The following SH3GL2 variants were observed in gnomAD, a reference collection of about 807,000 sequenced individuals.
The protein encoded by SH3GL2 is SH3 domain containing GRB2 like 2, endophilin A1, also known as endophilin-A1.
Under a neutral mutation model 46.0 loss-of-function variants are expected in SH3GL2, and 24 were observed. The observed-to-expected ratio is 0.52, with a 90% CI of 0.38 to 0.73. SH3GL2 has a LOEUF of 0.73. SH3GL2 is among the 30% of genes least tolerant of loss of function. The probability of loss-of-function intolerance (pLI) is 0.00; values close to 1 mark genes in which losing one functional copy is unlikely to be tolerated. For synonymous variants in SH3GL2, 196 were observed against 147.1 expected, an observed-to-expected ratio of 1.33 and a Z score of -2.40; for missense variants, 413 against 424.2, an observed-to-expected ratio of 0.97 and a Z score of 0.23.
chr9:17,755,697 C>A, intron 2 of SH3GL2: 1 of 730,288 alleles, frequency 1.4e-6, no homozygotes, highest in Non-Finnish European at 1.7e-6. Context: ...TCTGCTACAG[C>A]ATCTGGTATA....
At chr9:17,788,716 C>G (rs1824032901) in intron 5 of SH3GL2, among the ~76,000 whole-genome samples, 1 of 152,074 alleles carries the variant, frequency 6.6e-6, no homozygotes, top group South Asian at 2.1e-4. Flanking sequence ...AGGTCCCTTC[C>G]AAGTGAGATT....
At chr9:17,711,782 A>G (rs1821631457) in intron 1 of SH3GL2, among the ~76,000 whole-genome samples, 1 of 151,840 alleles carries the variant, frequency 6.6e-6, no homozygotes. Flanking sequence ...ATATTCTTGT[A>G]CAAGACATAT....
chr9:17,687,185 C>G (rs768236679), intron 1 of SH3GL2, among the ~76,000 whole-genome samples: 1 of 152,044 alleles, frequency 6.6e-6, no homozygotes, highest in Non-Finnish European at 1.5e-5. Context: ...TTCTTATAAT[C>G]ATTTCATCAT....
At chr9:17,722,428 C>G (rs943142800) in intron 1 of SH3GL2, among the ~76,000 whole-genome samples, 3 of 152,088 alleles carry the variant, frequency 2.0e-5, no homozygotes, top group Non-Finnish European at 2.9e-5. Flanking sequence ...CATTCATTTA[C>G]TGTTGGAAAT....
intron 1 of SH3GL2, among the ~76,000 whole-genome samples, chr9:17,732,130 A>G (rs1191016205): frequency 6.6e-6 from 1 of 152,118 alleles, no homozygotes; most frequent in East Asian, 1.9e-4. Context: ...GGACTTCATC[A>G]TATTCTCAAC....
intron 1 of SH3GL2, among the ~76,000 whole-genome samples, chr9:17,608,798 G>T (rs1300560347): frequency 6.6e-6 from 1 of 152,178 alleles, no homozygotes; most frequent in East Asian, 1.9e-4. Context: ...GGGGGAACAT[G>T]AATTATTTTC....
Position 17,593,870 on chromosome 9 carries a change from A to G in SH3GL2, c.45+14583A>G, listed in dbSNP as rs1351895791. On this transcript the variant is annotated intron_variant, in intron 1 of 8. Coordinates refer to ENST00000380607, the MANE Select transcript of SH3GL2 (RefSeq NM_003026.5). ...GGAGCCCAGAGACTTCACATCTCCTAGTTTTCCCATTCTGAGCACTTGTGA... is the reference window on the plus strand; with the variant it reads ...GGAGCCCAGAGACTTCACATCTCCTGGTTTTCCCATTCTGAGCACTTGTGA... Among the ~76,000 whole-genome samples, 5 of 152,230 alleles carry G rather than the reference A, an allele frequency of 3.3e-5. No homozygotes were observed. The South Asian group carries it at 8.3e-4, about 25-fold the overall frequency.
At chr9:17,764,640 T>A (rs113459769) in intron 3 of SH3GL2, among the ~76,000 whole-genome samples, 2 of 141,422 alleles carry the variant, frequency 1.4e-5, no homozygotes, top group Non-Finnish European at 3.1e-5. Context: ...CGAGGGTACT[T>A]TGGGAGTACA....
intron 1 of SH3GL2, among the ~76,000 whole-genome samples, chr9:17,705,421 A>G (rs570857060): frequency 5.9e-5 from 9 of 152,206 alleles, no homozygotes; most frequent in African/African-American, 2.2e-4. Context: ...AAATCATTCT[A>G]CCATAAAGGC....
At chr9:17,585,669 G>C (rs1249349083) in intron 1 of SH3GL2, among the ~76,000 whole-genome samples, 2 of 152,156 alleles carry the variant, frequency 1.3e-5, no homozygotes, top group African/African-American at 4.8e-5. Context: ...CTTTACTAGT[G>C]ATCTCAGTGC....
intron 1 of SH3GL2, among the ~76,000 whole-genome samples, chr9:17,741,599 G>A (rs1019069773): frequency 1.3e-5 from 2 of 152,158 alleles, no homozygotes; most frequent in East Asian, 1.9e-4. Flanking sequence ...GACCAATGCC[G>A]ACTCATAGTT....
intron 3 of SH3GL2, among the ~76,000 whole-genome samples, chr9:17,781,530 T>C (rs1307971083): frequency 6.6e-6 from 1 of 152,144 alleles, no homozygotes; most frequent in African/African-American, 2.4e-5. Flanking sequence ...CATTGCTTTG[T>C]ACATGTCTGT....
chr9:17,669,008 G>C (rs1820407969), intron 1 of SH3GL2, among the ~76,000 whole-genome samples: 2 of 152,174 alleles, frequency 1.3e-5, no homozygotes, highest in South Asian at 4.1e-4. Context: ...GGTGCCACCT[G>C]TAGCATATAC....
intron 3 of SH3GL2, among the ~76,000 whole-genome samples, chr9:17,781,595 G>T (rs117292678): frequency 0.011 from 1,631 of 152,210 alleles, 19 homozygotes; most frequent in Middle Eastern, 0.027. Context: ...TTACTGGGTT[G>T]CAGGGTATGT....
chr9:17,726,724 A>G (rs2025558), intron 1 of SH3GL2, among the ~76,000 whole-genome samples: 74,411 of 152,006 alleles, frequency 0.49, 18,757 homozygotes, highest in East Asian at 0.66. Context: ...TATTCCACCT[A>G]TCAGGAATAT....
chr9:17,656,770 CA>C (rs36079244), intron 1 of SH3GL2, among the ~76,000 whole-genome samples: 8,254 of 101,464 alleles, frequency 0.081, 393 homozygotes, highest in African/African-American at 0.24. Context: ...GACTACATCT[CA>C]AAAAAAAAAA....
At chr9:17,683,596 C>T (rs140729357) in intron 1 of SH3GL2, among the ~76,000 whole-genome samples, 1 of 152,024 alleles carries the variant, frequency 6.6e-6, no homozygotes, top group East Asian at 1.9e-4. Flanking sequence ...TACCCCTATA[C>T]CCAGGCAAAC....
At chr9:17,605,470 T>G (rs572418728) in intron 1 of SH3GL2, among the ~76,000 whole-genome samples, 2 of 152,214 alleles carry the variant, frequency 1.3e-5, no homozygotes, top group East Asian at 1.9e-4. Context: ...AGAACCAGTA[T>G]ATGATAGGGG....
chr9:17,593,742 G>A (rs1376690262), intron 1 of SH3GL2, among the ~76,000 whole-genome samples: 2 of 152,284 alleles, frequency 1.3e-5, no homozygotes, highest in South Asian at 2.1e-4. Flanking sequence ...TGTGCCCGAT[G>A]TTCAGAAAGG....
Sources: allele counts gnomAD v4.1 joint callset (sites outside exome capture counted in the v4.1 genomes callset), GRCh38; gene constraint gnomAD v4.1.1; transcripts MANE v1.5; gene names NCBI Gene and HGNC (gene_info 2026-07-23, HGNC 2026-07-21).